Variants in PRDM4 observed in about 807,000 individuals in gnomAD.
The protein encoded by PRDM4 is PR/SET domain 4.
In PRDM4, 38 loss-of-function variants were observed where a neutral mutation model predicts 62.3. That is an observed-to-expected ratio of 0.61 (90% CI 0.47 to 0.80). The LOEUF (loss-of-function observed/expected upper bound fraction) is 0.80, where lower values mean the gene tolerates loss of function less well. PRDM4 is among the 30% of genes least tolerant of loss of function. PRDM4 has a pLI of 0.00. For missense variants in PRDM4, 858 were observed against 997.1 expected (o/e 0.86, Z 1.88); for synonymous variants, 339 against 348.2 (o/e 0.97, Z 0.30).
At position 107,760,525 on chromosome 12, in the gene PRDM4, G is replaced by A. The variant is rs1426999353; in HGVS notation, c.-10C>T. 5 of 1,613,216 alleles carry A rather than the reference G, an allele frequency of 3.1e-6. No homozygotes were observed. Among genetic ancestry groups the A allele is most frequent in the East Asian group, 2.2e-5 (1 of 44,810 alleles). ...CTCACCTGTGATGCATCGGCTTGGGGCCAAATATCAGAGAAAGGAGCGCTC... is the reference window on the plus strand; with the variant it reads ...CTCACCTGTGATGCATCGGCTTGGGACCAAATATCAGAGAAAGGAGCGCTC... On this transcript the variant is annotated 5_prime_UTR_variant, in exon 2 of 12. Coordinates refer to ENST00000228437, the MANE Select transcript of PRDM4 (RefSeq NM_012406.4).
At chr12:107,738,402 T>C (rs1393581771) in intron 11 of PRDM4, 2 of 152,196 alleles carry the variant, frequency 1.3e-5, no homozygotes, top group Non-Finnish European at 1.5e-5. Flanking sequence ...TCAGGCTGCA[T>C]TGTGATAAGG....
chr12:107,743,697 T>TG (rs1890591045), intron 7 of PRDM4, among the ~76,000 whole-genome samples: 1 of 152,232 alleles, frequency 6.6e-6, no homozygotes, highest in African/African-American at 2.4e-5. Flanking sequence ...AAGTTCCCAA[T>TG]GACAGTGGTA....
intron 10 of PRDM4, 112 bp from the exon 11 acceptor site, chr12:107,739,663 T>C (rs1387150041): frequency 2.7e-6 from 3 of 1,105,090 alleles, no homozygotes; most frequent in South Asian, 1.6e-5. Context: ...CAGAGCTGAC[T>C]GGTAAGCAGC....
Position 107,760,704 on chromosome 12 carries a change from G to A in PRDM4, c.-189C>T. 1 of 632,442 alleles carries A rather than the reference G, an allele frequency of 1.6e-6. No individual in the cohort carries two copies. The highest frequency in any genetic ancestry group is 2.7e-6 in the Non-Finnish European group (1 of 370,560). 39.2% of individuals were successfully genotyped at this position (632,442 alleles called of 1,614,324 possible). ...GGCCGGTGGCCGTGCACCCCGCCAC[G>A]GGTTGGGGCATCTCGGGGAACACCT... is the stretch of plus-strand genomic sequence containing the variant. On this transcript the variant is annotated 5_prime_UTR_variant, in exon 2 of 12. Coordinates refer to ENST00000228437, the MANE Select transcript of PRDM4 (RefSeq NM_012406.4).
intron 5 of PRDM4, among the ~76,000 whole-genome samples, chr12:107,748,482 CA>C (rs1162292256): frequency 6.6e-6 from 1 of 152,120 alleles, no homozygotes; most frequent in Non-Finnish European, 1.5e-5. Flanking sequence ...ATCCATATTA[CA>C]GATTATTCAG....
intron 6 of PRDM4, among the ~76,000 whole-genome samples, chr12:107,745,196 A>C (rs188400992): frequency 3.9e-5 from 6 of 152,368 alleles, no homozygotes; most frequent in Admixed American, 3.3e-4. Flanking sequence ...CTGAGTAAGA[A>C]GAAATATCAG....
At position 107,751,739 on chromosome 12, in the gene PRDM4, T is replaced by G. The variant is rs921286542; in HGVS notation, c.802A>C (p.Met268Leu). The change falls in exon 5 of 12, where the codon ATG becomes CTG. Residue 268 changes from methionine to leucine, a missense_variant. Physicochemically the swap from Met to Leu is conservative, Grantham distance 15. Transcript: ENST00000228437. Reference sequence around the variant, plus strand: ...CGACTTGCAATGTGGTCTGTCTCCATGACCACAGGGAGCTCCAGGCCATTC... The same window carrying G: ...CGACTTGCAATGTGGTCTGTCTCCAGGACCACAGGGAGCTCCAGGCCATTC... The part of the protein sequence containing the change: ...HGNGLELPVV[M>L]ETDHIASRVN... 3.1e-6 allele frequency: 5 copies of G among 1,614,172 alleles called. No individual in the cohort carries two copies. Among genetic ancestry groups the G allele is most frequent in the Non-Finnish European group, 4.2e-6 (5 of 1,180,002 alleles).
chr12:107,754,152 A>C lies in PRDM4; in HGVS notation c.146-43T>G, dbSNP rs776580651. 5 of 1,452,440 alleles carry C rather than the reference A, an allele frequency of 3.4e-6. No homozygotes were observed. In the South Asian group the frequency reaches 6.5e-5, roughly 19 times the overall value. 90.0% of individuals were successfully genotyped at this position (1,452,440 alleles called of 1,614,324 possible). ...TTTTCTCAGTTAAAAGAAAATAGGT[A>C]ATTAAAAATTCTCACTACAACCACT... is the stretch of plus-strand genomic sequence containing the variant. On this transcript the variant is annotated intron_variant, in intron 3 of 11. Transcript: ENST00000228437.
At chr12:107,739,123 C>T in intron 11 of PRDM4, 2 of 370,558 alleles carry the variant, frequency 5.4e-6, no homozygotes, top group Non-Finnish European at 4.9e-6. Context: ...CTTTTTGTCT[C>T]TAGGTTTTTG....
At chr12:107,735,758 A>C (rs1221324697) in intron 11 of PRDM4, among the ~76,000 whole-genome samples, 1 of 133,900 alleles carries the variant, frequency 7.5e-6, no homozygotes, top group East Asian at 2.7e-4. Context: ...GGAATTTTTT[A>C]GCTTTTTTTT....
rs200460200 is a variant in PRDM4 at position 107,751,815 on chromosome 12, G to T, written c.726C>A (p.Asn242Lys). 2.5e-6 allele frequency: 4 copies of T among 1,614,220 alleles called. No individual in the cohort carries two copies. The change falls in exon 5 of 12, where the codon AAC (asparagine) becomes AAA (lysine). Residue 242 changes from asparagine to lysine, a missense_variant. Coordinates refer to ENST00000228437, the MANE Select transcript of PRDM4 (RefSeq NM_012406.4). ...GTCCTACAGCGTCTGCTGCAAGGTT[G>T]TTGCTCACAGAATCCACAGACAGAG... ...HEPLSVDSVS[N>K]NLAADAVGHG...
intron 11 of PRDM4, among the ~76,000 whole-genome samples, chr12:107,735,696 C>T (rs1322515362): frequency 6.6e-6 from 1 of 151,840 alleles, no homozygotes; most frequent in Non-Finnish European, 1.5e-5. Flanking sequence ...TTTGAGTAAC[C>T]CTGGCCTAGA....
chr12:107,739,485 T>TG lies in PRDM4; in HGVS notation c.1990dup (p.His664ProfsTer12). ...CTTCTCCCCAGTGTGGATAACCATG[T>TG]GGGACTCCAGGTGAGCCTTCTGGGT... On this transcript the variant is annotated frameshift_variant, in exon 11 of 12. Transcript: ENST00000228437. LOFTEE classifies it high-confidence loss of function. 15 of 1,613,994 alleles carry TG rather than the reference T, an allele frequency of 9.3e-6. No individual in the cohort carries two copies. The highest frequency in any genetic ancestry group is 1.3e-5 in the Non-Finnish European group (15 of 1,179,868).
chr12:107,749,809 C>G (rs1474462476), intron 5 of PRDM4, among the ~76,000 whole-genome samples: 2 of 152,156 alleles, frequency 1.3e-5, no homozygotes, highest in Non-Finnish European at 2.9e-5. Flanking sequence ...CTCCCTAAAA[C>G]TCTTGACCGG....
intron 11 of PRDM4, among the ~76,000 whole-genome samples, chr12:107,738,951 T>C (rs1890427426): frequency 6.6e-6 from 1 of 151,546 alleles, no homozygotes; most frequent in African/African-American, 2.4e-5. Context: ...GGCTGGCAGA[T>C]CCTTCAGTGT....
chr12:107,735,956 A>G (rs1485765514), intron 11 of PRDM4, among the ~76,000 whole-genome samples: 1 of 152,062 alleles, frequency 6.6e-6, no homozygotes, highest in Non-Finnish European at 1.5e-5. Context: ...AATTCCCTGG[A>G]GCAGTTTTAA....
In PRDM4 at chr12:107,739,459, T is replaced by G. The variant is rs1890443540; in HGVS notation, c.2017A>C (p.Asn673His). 1 of 1,613,840 alleles carries G rather than the reference T, an allele frequency of 6.2e-7. No homozygotes were observed. The highest frequency in any genetic ancestry group is 1.3e-5 in the African/African-American group (1 of 74,918). ...SHMVIHTGEK[N>H]LKCDYCDKLF... Reference sequence around the variant, plus strand: ...TTGTCACAGTAATCACACTTAAGATTCTTCTCCCCAGTGTGGATAACCATG... The same window carrying G: ...TTGTCACAGTAATCACACTTAAGATGCTTCTCCCCAGTGTGGATAACCATG... The change falls in exon 11 of 12, where the codon AAT becomes CAT. Residue 673 changes from asparagine to histidine, a missense_variant. Physicochemically the swap from Asn to His is moderately conservative, Grantham distance 68. This residue lies in a region of PRDM4 where 355 missense variants were observed against 432.6 expected (regional missense o/e 0.82). Coordinates refer to ENST00000228437, the MANE Select transcript of PRDM4 (RefSeq NM_012406.4).
Position 107,759,588 on chromosome 12 carries a change from G to C in PRDM4, c.11+917C>G, listed in dbSNP as rs1342569509. On this transcript the variant is annotated intron_variant, in intron 2 of 11. Coordinates refer to ENST00000228437, the MANE Select transcript of PRDM4 (RefSeq NM_012406.4). ...ACCAGTTCAAACCAGAGTTTAATGC[G>C]AGAGGCTCAGCAGATTTCTGCTTTG... Among the ~76,000 whole-genome samples the C allele has an allele frequency of 5.9e-5, 9 of 152,278 alleles. No individual in the cohort carries two copies. The South Asian group carries it at 1.2e-3, about 21-fold the overall frequency.
At chr12:107,756,725 C>A in intron 3 of PRDM4, 107 bp downstream of exon 3, 1 of 1,346,090 alleles carries the variant, frequency 7.4e-7, no homozygotes, top group Non-Finnish European at 1.0e-6. Context: ...CTTACCTTCT[C>A]CCTTCTACCT....
Sources: gnomAD v4.1 joint callset for allele counts (sites outside exome capture counted in the v4.1 genomes callset) on GRCh38, gnomAD v4.1.1 for gene constraint, gnomAD v4.1.1 regional missense constraint, MANE v1.5 for transcripts, NCBI Gene and HGNC (gene_info 2026-07-23, HGNC 2026-07-21) for gene names.